Variants in CACNA2D3 observed in about 807,000 individuals in gnomAD.
CACNA2D3 encodes the protein calcium voltage-gated channel auxiliary subunit alpha2delta 3.
A neutral mutation model predicts 160.6 loss-of-function variants in CACNA2D3; 60 were observed. That is an observed-to-expected ratio of 0.37 (90% confidence interval 0.30 to 0.46). The LOEUF (loss-of-function observed/expected upper bound fraction) is 0.46. Ranked by LOEUF, CACNA2D3 falls within the 20% of genes least tolerant of loss-of-function variation. CACNA2D3 has a pLI of 1.00. For synonymous variants in CACNA2D3, 558 were observed against 492.9 expected (o/e 1.13, Z -1.75); for missense variants, 1,205 against 1,365.0 (o/e 0.88, Z 1.85).
At chr3:54,406,811 T>G (rs904202098) in intron 4 of CACNA2D3, among the ~76,000 whole-genome samples, 1 of 152,140 alleles carries the variant, frequency 6.6e-6, no homozygotes, top group African/African-American at 2.4e-5. Context: ...GTAGATAGAT[T>G]ATAGCTGCTT....
rs190437363 is a variant in CACNA2D3 at position 54,523,871 on chromosome 3, A to G, written c.544+20217A>G. 3.3e-5 allele frequency among the ~76,000 whole-genome samples: 5 copies of G among 152,062 alleles called. No individual in the cohort carries two copies. The East Asian group carries it at 9.6e-4, about 29-fold the overall frequency. ...AATATGCCCTCTTTCAGATTCTGGT[A>G]ATTTGAGTTTTTCTTTCTTTTTCGT... On this transcript the variant is annotated intron_variant, in intron 5 of 37. Coordinates refer to ENST00000474759, the MANE Select transcript of CACNA2D3 (RefSeq NM_018398.3).
intron 24 of CACNA2D3, among the ~76,000 whole-genome samples, chr3:54,889,214 G>C (rs917510214): frequency 1.3e-5 from 2 of 152,204 alleles, no homozygotes; most frequent in African/African-American, 2.4e-5. Flanking sequence ...TCAGGTTAAG[G>C]ATTTTGGATT....
At chr3:54,185,558 ATAT>A (rs1700866361) in intron 2 of CACNA2D3, among the ~76,000 whole-genome samples, 2 of 152,166 alleles carry the variant, frequency 1.3e-5, no homozygotes, top group South Asian at 4.1e-4. Flanking sequence ...ATTCACGAAC[ATAT>A]TATTCTATAG....
chr3:54,387,188 A>G (rs1699202708), intron 4 of CACNA2D3, among the ~76,000 whole-genome samples: 1 of 152,216 alleles, frequency 6.6e-6, no homozygotes. Context: ...ATTGTTAATA[A>G]CATTTAAAAA....
chr3:54,989,457 G>A (rs1702690421), intron 31 of CACNA2D3, among the ~76,000 whole-genome samples: 1 of 152,194 alleles, frequency 6.6e-6, no homozygotes, highest in Non-Finnish European at 1.5e-5. Flanking sequence ...CCAGGAGCAA[G>A]TTGACAAACC....
chr3:54,195,427 CAG>C (rs1173437901), intron 2 of CACNA2D3, among the ~76,000 whole-genome samples: 3 of 152,224 alleles, frequency 2.0e-5, no homozygotes, highest in Non-Finnish European at 4.4e-5. Flanking sequence ...GAGTCTGACA[CAG>C]AGATGCAATG....
At chr3:55,050,346 T>G (rs1704172256) in intron 35 of CACNA2D3, among the ~76,000 whole-genome samples, 1 of 152,092 alleles carries the variant, frequency 6.6e-6, no homozygotes. Flanking sequence ...AGTATTTTAT[T>G]TCTCCTTCAC....
At chr3:54,517,234 G>T (rs568832809) in intron 5 of CACNA2D3, among the ~76,000 whole-genome samples, 1 of 152,198 alleles carries the variant, frequency 6.6e-6, no homozygotes, top group African/African-American at 2.4e-5. Flanking sequence ...GACTCCCCTC[G>T]AGCAGTGGCT....
At chr3:54,976,257 C>G (rs1026414775) in intron 29 of CACNA2D3, among the ~76,000 whole-genome samples, 1 of 142,222 alleles carries the variant, frequency 7.0e-6, no homozygotes, top group African/African-American at 2.6e-5. Flanking sequence ...TCAAGTCTCA[C>G]TTGTGTGTGT....
chr3:54,728,559 T>C (rs1701321004), intron 11 of CACNA2D3, among the ~76,000 whole-genome samples: 1 of 152,216 alleles, frequency 6.6e-6, no homozygotes. Context: ...TCTTGACTTT[T>C]AGTTATCTGG....
intron 11 of CACNA2D3, among the ~76,000 whole-genome samples, chr3:54,715,602 G>T (rs1425366795): frequency 5.9e-5 from 9 of 152,032 alleles, no homozygotes; most frequent in African/African-American, 2.2e-4. Flanking sequence ...CCATCCTGAG[G>T]CTATCTAGGG....
intron 11 of CACNA2D3, among the ~76,000 whole-genome samples, chr3:54,724,182 T>C (rs1485928838): frequency 6.6e-6 from 1 of 152,212 alleles, no homozygotes; most frequent in Non-Finnish European, 1.5e-5. Context: ...GGGCATTACA[T>C]AATGGTAAAG....
intron 11 of CACNA2D3, among the ~76,000 whole-genome samples, chr3:54,727,970 TA>T (rs1314527697): frequency 6.6e-6 from 1 of 152,022 alleles, no homozygotes; most frequent in Non-Finnish European, 1.5e-5. Flanking sequence ...GTTCAATTGT[TA>T]GTCTTATTGC....
intron 4 of CACNA2D3, among the ~76,000 whole-genome samples, chr3:54,481,801 A>G (rs1326003369): frequency 6.6e-6 from 1 of 152,176 alleles, no homozygotes. Flanking sequence ...AGGTTAAGCA[A>G]TGTCTGTGTT....
In CACNA2D3 at chr3:54,783,621, T is replaced by TAAATAA. The variant is rs570306179; in HGVS notation, c.1380+19290_1380+19295dup. ...ACTCCATCTCAAATAAATAAATAAA[T>TAAATAA]AAATAAAAATAAAAATAAAAATAAA... On this transcript the variant is annotated intron_variant, in intron 13 of 37. Coordinates refer to ENST00000474759, the MANE Select transcript of CACNA2D3 (RefSeq NM_018398.3). 1.7e-4 allele frequency among the ~76,000 whole-genome samples: 26 copies of TAAATAA among 151,512 alleles called. No individual in the cohort carries two copies. The South Asian group carries it at 3.3e-3, about 19-fold the overall frequency.
intron 18 of CACNA2D3, among the ~76,000 whole-genome samples, chr3:54,875,916 A>G (rs73843732): frequency 0.012 from 1,887 of 152,242 alleles, 36 homozygotes; most frequent in African/African-American, 0.043. Context: ...TTGCATTACC[A>G]CACTTGCGAA....
chr3:54,431,566 C>T (rs2106774084), intron 4 of CACNA2D3, among the ~76,000 whole-genome samples: 1 of 152,046 alleles, frequency 6.6e-6, no homozygotes, highest in Middle Eastern at 3.4e-3. Flanking sequence ...GTTTAAGGGT[C>T]AACTGTATAT....
intron 4 of CACNA2D3, among the ~76,000 whole-genome samples, chr3:54,426,298 A>C (rs945320581): frequency 6.6e-6 from 1 of 152,216 alleles, no homozygotes; most frequent in African/African-American, 2.4e-5. Context: ...ATAAAATAGC[A>C]GTAATTTTTA....
intron 35 of CACNA2D3, among the ~76,000 whole-genome samples, chr3:55,032,210 G>C (rs1415751477): frequency 6.6e-6 from 1 of 152,172 alleles, no homozygotes; most frequent in East Asian, 1.9e-4. Context: ...ATTAAGTCCA[G>C]ATCTGCCCGA....
Sources: allele counts gnomAD v4.1 joint callset (sites outside exome capture counted in the v4.1 genomes callset), GRCh38; gene constraint gnomAD v4.1.1; transcripts MANE v1.5; gene names NCBI Gene and HGNC (gene_info 2026-07-23, HGNC 2026-07-21).